The following TSPAN8 variants were observed in gnomAD, a reference collection of about 807,000 sequenced individuals.
TSPAN8 encodes tetraspanin 8, also known as tetraspanin-8.
Under a neutral mutation model 32.8 loss-of-function variants are expected in TSPAN8, and 21 were observed. That is an observed-to-expected ratio of 0.64 (90% CI 0.45 to 0.92). The LOEUF is 0.92. Ranked by LOEUF, TSPAN8 falls within the 40% of genes least tolerant of loss-of-function variation. TSPAN8 has a pLI of 0.00. For missense variants in TSPAN8, 269 were observed against 281.9 expected (o/e 0.95, Z 0.33); for synonymous variants, 95 against 94.6 (o/e 1.00, Z -0.03).
rs149659330 is a variant in TSPAN8, at chr12:71,154,035, G to A, written c.60+3584C>T. ...AAAATAATCAGAGCTCTGGCCAGGC[G>A]CGGTGCCTCATCCCTGTAATCCCAG... On this transcript the variant is annotated intron_variant, in intron 2 of 8. Coordinates refer to ENST00000247829, the MANE Select transcript of TSPAN8 (RefSeq NM_004616.3). 7.4e-3 allele frequency among the ~76,000 whole-genome samples: 1,121 copies of A among 152,194 alleles called. 41 individuals are homozygous for A. The highest frequency in any genetic ancestry group is 0.066 in the Admixed American group (1,009 of 15,292).
chr12:71,149,211 C>CA (rs1872167316), intron 2 of TSPAN8, among the ~76,000 whole-genome samples: 1 of 151,366 alleles, frequency 6.6e-6, no homozygotes, highest in Non-Finnish European at 1.5e-5. Context: ...CTAAAAATAC[C>CA]AAAAAAATTA....
intron 7 of TSPAN8, among the ~76,000 whole-genome samples, chr12:71,130,679 A>G (rs1273167034): frequency 2.6e-5 from 4 of 152,182 alleles, no homozygotes; most frequent in East Asian, 3.9e-4. Context: ...TTCTTCATTC[A>G]CATTTAACCC....
intron 2 of TSPAN8, among the ~76,000 whole-genome samples, chr12:71,153,165 C>A (rs920053276): frequency 6.6e-6 from 1 of 152,126 alleles, no homozygotes; most frequent in African/African-American, 2.4e-5. Flanking sequence ...TTACTCAGAC[C>A]CCTAAAGCAC....
chr12:71,150,447 C>A (rs1225556610), intron 2 of TSPAN8, among the ~76,000 whole-genome samples: 1 of 152,098 alleles, frequency 6.6e-6, no homozygotes, highest in Non-Finnish European at 1.5e-5. Flanking sequence ...ACCCCTTCCC[C>A]TTTTGAAATC....
intron 2 of TSPAN8, among the ~76,000 whole-genome samples, chr12:71,156,250 C>CA (rs763217771): frequency 0.059 from 1,414 of 24,094 alleles, 44 homozygotes; most frequent in African/African-American, 0.13. Context: ...CAAAGTTCTC[C>CA]AAAAAAAAAA....
At chr12:71,134,993 C>T (rs932078705) in intron 6 of TSPAN8, among the ~76,000 whole-genome samples, 1 of 152,014 alleles carries the variant, frequency 6.6e-6, no homozygotes, top group Non-Finnish European at 1.5e-5. Context: ...AGCAAGAATC[C>T]GAAAGGGGTG....
In TSPAN8 at chr12:71,141,977, A is replaced by T. The variant is rs577936972; in HGVS notation, c.124-2129T>A. On this transcript the variant is annotated intron_variant, in intron 3 of 8. Coordinates refer to ENST00000247829, the MANE Select transcript of TSPAN8 (RefSeq NM_004616.3). Reference sequence around the variant, plus strand: ...GGTGCTAAGTTTATCCTGAGGTAGAAAAAAGGGTCTTCATGAGACACTTCA... The same window carrying T: ...GGTGCTAAGTTTATCCTGAGGTAGATAAAAGGGTCTTCATGAGACACTTCA... Among the ~76,000 whole-genome samples, 5 of 152,294 alleles carry T rather than the reference A, an allele frequency of 3.3e-5. No homozygotes were observed. The South Asian group carries it at 8.3e-4, about 25-fold the overall frequency.
At chr12:71,136,093 GA>G (rs34529586) in intron 6 of TSPAN8, among the ~76,000 whole-genome samples, 11 of 149,030 alleles carry the variant, frequency 7.4e-5, no homozygotes, top group East Asian at 2.0e-4. Flanking sequence ...CTCTGAGGGA[GA>G]AAAAAAAAAG....
intron 2 of TSPAN8, among the ~76,000 whole-genome samples, chr12:71,153,034 A>G (rs1308459998): frequency 6.6e-6 from 1 of 152,102 alleles, no homozygotes; most frequent in Non-Finnish European, 1.5e-5. Context: ...CCTATGACTC[A>G]TTTGGGATTG....
intron 2 of TSPAN8, among the ~76,000 whole-genome samples, chr12:71,150,645 A>G (rs1217421059): frequency 2.0e-5 from 3 of 152,096 alleles, no homozygotes; most frequent in Non-Finnish European, 2.9e-5. Flanking sequence ...CCCCAATACT[A>G]TATTAATGGT....
chr12:71,157,420 G>A (rs1872479281), intron 2 of TSPAN8, 199 bp downstream of exon 2: 1 of 494,712 alleles, frequency 2.0e-6, no homozygotes, highest in East Asian at 3.0e-5. Flanking sequence ...ACATTCTGAA[G>A]TGCACTTTTT....
At chr12:71,136,904 A>G (rs971356939) in intron 6 of TSPAN8, among the ~76,000 whole-genome samples, 8 of 152,178 alleles carry the variant, frequency 5.3e-5, no homozygotes, top group African/African-American at 1.9e-4. Flanking sequence ...TGGATATAAC[A>G]CCTGCTACAT....
intron 8 of TSPAN8, among the ~76,000 whole-genome samples, chr12:71,128,778 CAAGT>C (rs2137045288): frequency 6.6e-6 from 1 of 151,950 alleles, no homozygotes; most frequent in African/African-American, 2.4e-5. Flanking sequence ...AAAATTTCTC[CAAGT>C]GAGTCAATAG....
chr12:71,152,478 T>G (rs1234843661), intron 2 of TSPAN8, among the ~76,000 whole-genome samples: 1 of 152,208 alleles, frequency 6.6e-6, no homozygotes, highest in Non-Finnish European at 1.5e-5. Context: ...TCCTACTTCT[T>G]TATATATATT....
At chr12:71,153,851 C>A (rs1278520336) in intron 2 of TSPAN8, among the ~76,000 whole-genome samples, 1 of 152,172 alleles carries the variant, frequency 6.6e-6, no homozygotes, top group East Asian at 1.9e-4. Flanking sequence ...CACTGAAAGA[C>A]TCCATTTCAA....
At chr12:71,156,276 A>AAAAC (rs1337121899) in intron 2 of TSPAN8, among the ~76,000 whole-genome samples, 1 of 148,448 alleles carries the variant, frequency 6.7e-6, no homozygotes, top group African/African-American at 2.5e-5. Flanking sequence ...AAACAAACAA[A>AAAAC]AAAAAAACTA....
At chr12:71,135,468 AAAAG>A (rs1871665708) in intron 6 of TSPAN8, among the ~76,000 whole-genome samples, 2 of 150,156 alleles carry the variant, frequency 1.3e-5, no homozygotes, top group Admixed American at 6.6e-5. Flanking sequence ...AGCAGGAGAA[AAAAG>A]AAGAAGGGGA....
Position 71,125,282 on chromosome 12 carries a change from A to C in TSPAN8, c.*52T>G. On this transcript the variant is annotated 3_prime_UTR_variant, in exon 9 of 9. Coordinates refer to ENST00000247829, the MANE Select transcript of TSPAN8 (RefSeq NM_004616.3). ...TTACATATTTAAATTTACAAAGCCA[A>C]AGCAACATTTTAAAGGGGTTTGACT... 6.5e-7 allele frequency: 1 copy of C among 1,534,648 alleles called. No individual in the cohort carries two copies. Among genetic ancestry groups the C allele is most frequent in the Non-Finnish European group, 8.9e-7 (1 of 1,125,522 alleles).
chr12:71,132,606 C>T, intron 7 of TSPAN8, 87 bp downstream of exon 7: 1 of 1,434,226 alleles, frequency 7.0e-7, no homozygotes, highest in South Asian at 1.3e-5. Flanking sequence ...CATGGTACTC[C>T]ATGCATTTTA....
Sources: allele counts gnomAD v4.1 joint callset (sites outside exome capture counted in the v4.1 genomes callset), GRCh38; gene constraint gnomAD v4.1.1; transcripts MANE v1.5; gene names NCBI Gene and HGNC (gene_info 2026-07-23, HGNC 2026-07-21).